Variants in STAG2 observed in about 807,000 individuals in gnomAD.
STAG2 encodes the protein STAG2 cohesin complex component, also known as cohesin subunit SA-2.
In STAG2, 14 loss-of-function variants were observed where a neutral mutation model predicts 108.1. The observed-to-expected ratio is 0.13, with a 90% confidence interval of 0.09 to 0.20. The LOEUF (loss-of-function observed/expected upper bound fraction) is 0.20. STAG2 is among the 10% of genes least tolerant of loss of function. STAG2 has a pLI of 1.00. For synonymous variants in STAG2, 307 were observed against 302.7 expected (o/e 1.01, Z -0.15); for missense variants, 440 against 940.9 (o/e 0.47, Z 6.96).
At chrX:124,003,629 G>T (rs1023301166) in intron 1 of STAG2, 1 of 109,948 alleles carries the variant, frequency 9.1e-6, no homozygotes, top group Non-Finnish European at 1.9e-5. Context: ...TCACCATGTT[G>T]GCCAGGCTGG....
intron 1 of STAG2, among the ~76,000 whole-genome samples, chrX:123,998,168 AT>A (rs1170203471): frequency 1.2e-3 from 104 of 84,202 alleles, no homozygotes; most frequent in East Asian, 1.8e-3. Context: ...ACTGTGTTTA[AT>A]TTTTTTTTTT....
chrX:124,026,393 C>A (rs1424574253), intron 4 of STAG2, among the ~76,000 whole-genome samples: 1 of 110,996 alleles, frequency 9.0e-6, no homozygotes, highest in Non-Finnish European at 1.9e-5. Context: ...TAAAAAATTA[C>A]AAAGTTAAGT....
intron 27 of STAG2, among the ~76,000 whole-genome samples, chrX:124,079,623 A>G (rs1171298980): frequency 8.9e-6 from 1 of 112,157 alleles, no homozygotes; most frequent in African/African-American, 3.2e-5. Context: ...TCTACAGAAA[A>G]TGAAGAAAGA....
In STAG2 at chrX:124,071,225, C is replaced by A; in HGVS notation, c.2435C>A (p.Pro812Gln). ...IMSGGRDMLE[P>Q]LVYTPDSSLQ... ...TCAGGAGGGCGTGACATGTTAGAGC[C>A]ATTAGTGTATACCCCTGATTCTTCA... The change falls in exon 25 of 35, where the codon CCA (proline) becomes CAA (glutamine). Residue 812 changes from proline to glutamine, a missense_variant. Pro to Gln is a moderately conservative substitution (Grantham distance 76). This residue lies in a region of STAG2 where 337 missense variants were observed against 649.3 expected (regional missense o/e 0.52). Coordinates refer to ENST00000371145, the MANE Select transcript of STAG2 (RefSeq NM_001042750.2). 1 of 1,204,409 alleles carries A rather than the reference C, an allele frequency of 8.3e-7. No individual in the cohort carries two copies. The highest frequency in any genetic ancestry group is 3.0e-5 in the East Asian group (1 of 33,535).
At chrX:124,002,610 G>A (rs1157082831) in intron 1 of STAG2, among the ~76,000 whole-genome samples, 1 of 110,506 alleles carries the variant, frequency 9.0e-6, no homozygotes, top group African/African-American at 3.3e-5. Flanking sequence ...AAGATGGCCA[G>A]TTCTGCGTCA....
At chrX:123,997,234 T>A (rs753137066) in intron 1 of STAG2, among the ~76,000 whole-genome samples, 2 of 112,615 alleles carry the variant, frequency 1.8e-5, no homozygotes, top group Non-Finnish European at 3.8e-5. Flanking sequence ...CACCTAAGAA[T>A]CAGCTTGCTG....
chrX:124,002,500 T>A (rs1289521148), intron 1 of STAG2, among the ~76,000 whole-genome samples: 1 of 111,723 alleles, frequency 9.0e-6, no homozygotes, highest in East Asian at 2.8e-4. Flanking sequence ...ATAAAGTTAA[T>A]TCCTGGCTTA....
chrX:124,059,779 G>GC (rs201350925), intron 15 of STAG2, among the ~76,000 whole-genome samples: 163 of 111,056 alleles, frequency 1.5e-3, no homozygotes, highest in African/African-American at 5.1e-3. Flanking sequence ...TCTTGCCTCA[G>GC]CCTCCCTAGT....
intron 25 of STAG2, among the ~76,000 whole-genome samples, chrX:124,072,643 G>T (rs1603117449): frequency 9.1e-6 from 1 of 109,952 alleles, no homozygotes; most frequent in African/African-American, 3.3e-5. Context: ...CATCCTTCAA[G>T]AATTAAATTC....
chrX:124,044,189 T>G (rs746385215), intron 7 of STAG2, among the ~76,000 whole-genome samples: 1 of 111,293 alleles, frequency 9.0e-6, no homozygotes, highest in African/African-American at 3.3e-5. Flanking sequence ...TAGTGAGAAC[T>G]TTCTCACTAA....
intron 2 of STAG2, 100 bp from the exon 3 acceptor site, chrX:124,022,431 C>A: frequency 9.3e-6 from 3 of 324,241 alleles, no homozygotes; most frequent in Non-Finnish European, 1.6e-5. Context: ...TTTACTAAAA[C>A]ACATTAGTAG....
intron 34 of STAG2, among the ~76,000 whole-genome samples, chrX:124,095,824 G>T (rs746232650): frequency 9.1e-6 from 1 of 110,080 alleles, no homozygotes; most frequent in Non-Finnish European, 1.9e-5. Context: ...TGAATGAGGG[G>T]CGTCATATAA....
intron 34 of STAG2, among the ~76,000 whole-genome samples, chrX:124,098,963 A>G (rs1362185813): frequency 8.9e-6 from 1 of 112,084 alleles, no homozygotes; most frequent in Non-Finnish European, 1.9e-5. Flanking sequence ...AAATACACTG[A>G]AGTTTGATAT....
chrX:124,067,977 A>G (rs1194270850), intron 23 of STAG2, among the ~76,000 whole-genome samples: 1 of 110,523 alleles, frequency 9.0e-6, no homozygotes, highest in African/African-American at 3.3e-5. Context: ...TAGAAGTTGC[A>G]GTGAGCTGAG....
intron 15 of STAG2, among the ~76,000 whole-genome samples, chrX:124,059,643 A>ATATTT (rs897381311): frequency 3.6e-5 from 4 of 111,378 alleles, no homozygotes; most frequent in South Asian, 3.7e-4. Flanking sequence ...CAGTTTGCAA[A>ATATTT]TATTTTATTT....
At chrX:124,081,703 A>G (rs773116586) in intron 28 of STAG2, among the ~76,000 whole-genome samples, 175 bp downstream of exon 28, 2 of 112,305 alleles carry the variant, frequency 1.8e-5, no homozygotes, top group South Asian at 3.7e-4. Flanking sequence ...TGCTATCTCA[A>G]TTAACAAATG....
chrX:124,076,493 C>G, intron 26 of STAG2, 22 bp downstream of exon 26: 1 of 1,121,098 alleles, frequency 8.9e-7, no homozygotes, highest in Non-Finnish European at 1.2e-6. Context: ...AAATGGATAG[C>G]AAGATAGTTT....
chrX:124,058,049 T>TA (rs1486639545), intron 15 of STAG2, 72 bp downstream of exon 15: 3 of 538,431 alleles, frequency 5.6e-6, no homozygotes, highest in East Asian at 8.0e-5. Flanking sequence ...GAGGCACATT[T>TA]AAAAAAATAT....
intron 32 of STAG2, among the ~76,000 whole-genome samples, chrX:124,093,678 G>A (rs1182464633): frequency 1.8e-5 from 2 of 110,146 alleles, no homozygotes; most frequent in Non-Finnish European, 3.8e-5. Context: ...TTTTATGTTT[G>A]TTTATTAATT....
Sources: allele counts gnomAD v4.1 joint callset (sites outside exome capture counted in the v4.1 genomes callset), GRCh38; gene constraint gnomAD v4.1.1; regional missense constraint gnomAD v4.1.1; transcripts MANE v1.5; gene names NCBI Gene and HGNC (gene_info 2026-07-23, HGNC 2026-07-21).